The following MSH3 variants were observed in gnomAD, a reference collection of about 807,000 sequenced individuals.
MSH3 encodes DNA mismatch repair protein Msh3.
A neutral mutation model predicts 123.3 loss-of-function variants in MSH3; 106 were observed. That is an observed-to-expected ratio of 0.86 (90% CI 0.73 to 1.01). The LOEUF (loss-of-function observed/expected upper bound fraction) is 1.01, where lower values mean the gene tolerates loss of function less well. MSH3 is among the 50% of genes least tolerant of loss of function. The pLI, the probability that MSH3 is intolerant of heterozygous loss-of-function variation, is 0.00. For synonymous variants in MSH3, 515 were observed against 481.4 expected, an observed-to-expected ratio of 1.07 and a Z score of -0.91; for missense variants, 1,459 against 1,347.6, an observed-to-expected ratio of 1.08 and a Z score of -1.29.
intron 19 of MSH3, among the ~76,000 whole-genome samples, chr5:80,797,648 C>T (rs1463809350): frequency 6.6e-6 from 1 of 152,200 alleles, no homozygotes; most frequent in Admixed American, 6.5e-5. Flanking sequence ...AACTGTTTCC[C>T]AAAACATAAA....
chr5:80,847,678 T>G (rs6151909), intron 20 of MSH3, among the ~76,000 whole-genome samples: 19,074 of 152,118 alleles, frequency 0.13, 1,520 homozygotes, highest in East Asian at 0.35. Context: ...TGTAAATCTT[T>G]TCTTACTAAT....
At chr5:80,712,179 C>A (rs1424462314) in intron 8 of MSH3, among the ~76,000 whole-genome samples, 1 of 152,148 alleles carries the variant, frequency 6.6e-6, no homozygotes, top group Non-Finnish European at 1.5e-5. Flanking sequence ...CTCCCAGCCT[C>A]CAGGGTTCTA....
chr5:80,807,046 C>A (rs1392143333), intron 19 of MSH3, among the ~76,000 whole-genome samples: 1 of 151,656 alleles, frequency 6.6e-6, no homozygotes, highest in Admixed American at 6.6e-5. Context: ...AAAAAAATTA[C>A]CTGGATGTGA....
intron 21 of MSH3, 66 bp from the exon 22 acceptor site, chr5:80,864,747 A>G: frequency 1.4e-6 from 2 of 1,441,008 alleles, no homozygotes; most frequent in Non-Finnish European, 1.9e-6. Context: ...AAGAAAGTGG[A>G]AGACAGATTT....
At chr5:80,873,822 C>T (rs947114985) in intron 23 of MSH3, among the ~76,000 whole-genome samples, 1 of 152,124 alleles carries the variant, frequency 6.6e-6, no homozygotes, top group Admixed American at 6.6e-5. Flanking sequence ...TCCACCTTTA[C>T]GCTTGCTATC....
intron 3 of MSH3, among the ~76,000 whole-genome samples, chr5:80,669,494 T>C (rs1210720316): frequency 3.9e-5 from 6 of 152,226 alleles, no homozygotes; most frequent in African/African-American, 1.4e-4. Flanking sequence ...CACAGAAAGG[T>C]AAGAATAGTA....
chr5:80,780,999 T>C (rs1360690041), intron 17 of MSH3, among the ~76,000 whole-genome samples: 1 of 152,240 alleles, frequency 6.6e-6, no homozygotes, highest in Non-Finnish European at 1.5e-5. Context: ...TTTTACAAGC[T>C]AGTAAGTTGG....
At chr5:80,715,298 C>G (rs1413061173) in intron 8 of MSH3, 2 of 152,106 alleles carry the variant, frequency 1.3e-5, no homozygotes, top group Non-Finnish European at 2.9e-5. Flanking sequence ...GACAAAAGTT[C>G]CCATCCTCAT....
intron 20 of MSH3, among the ~76,000 whole-genome samples, chr5:80,845,151 C>A (rs767823851): frequency 6.6e-6 from 1 of 152,124 alleles, no homozygotes; most frequent in Non-Finnish European, 1.5e-5. Context: ...ACTTCTCCCC[C>A]ACATATGAAG....
chr5:80,798,036 A>G (rs1308735923), intron 19 of MSH3, among the ~76,000 whole-genome samples: 2 of 152,120 alleles, frequency 1.3e-5, no homozygotes, highest in Non-Finnish European at 2.9e-5. Flanking sequence ...TGTTTTTAGT[A>G]TAAAAAATAT....
intron 8 of MSH3, among the ~76,000 whole-genome samples, chr5:80,686,423 C>T (rs1202750871): frequency 1.3e-5 from 2 of 151,242 alleles, no homozygotes; most frequent in African/African-American, 2.4e-5. Flanking sequence ...GTGCCTCAGC[C>T]TCCCGAGTAG....
At chr5:80,734,100 A>G (rs1196016421) in intron 10 of MSH3, among the ~76,000 whole-genome samples, 1 of 152,242 alleles carries the variant, frequency 6.6e-6, no homozygotes, top group Non-Finnish European at 1.5e-5. Flanking sequence ...TATGCATACA[A>G]TAGAAGATTT....
chr5:80,814,517 C>T (rs995218513), intron 20 of MSH3, among the ~76,000 whole-genome samples: 1 of 152,212 alleles, frequency 6.6e-6, no homozygotes, highest in South Asian at 2.1e-4. Context: ...GTGAGCCGCC[C>T]GCCTTGGCCT....
intron 8 of MSH3, among the ~76,000 whole-genome samples, chr5:80,690,073 T>A (rs1308234218): frequency 6.6e-6 from 1 of 152,018 alleles, no homozygotes; most frequent in Non-Finnish European, 1.5e-5. Context: ...CACCACCCCT[T>A]ACAGCTAATT....
At chr5:80,716,999 G>A (rs1750975200) in intron 8 of MSH3, among the ~76,000 whole-genome samples, 1 of 152,068 alleles carries the variant, frequency 6.6e-6, no homozygotes, top group South Asian at 2.1e-4. Context: ...CTAACATAAT[G>A]ACCTCAGTTC....
intron 20 of MSH3, among the ~76,000 whole-genome samples, chr5:80,852,247 C>T (rs1473157457): frequency 2.0e-5 from 3 of 152,172 alleles, no homozygotes; most frequent in Non-Finnish European, 4.4e-5. Flanking sequence ...CTCGCTTGAG[C>T]CTGGGAGGTT....
chr5:80,846,297 G>A (rs1216652989), intron 20 of MSH3, among the ~76,000 whole-genome samples: 4 of 151,830 alleles, frequency 2.6e-5, no homozygotes, highest in East Asian at 1.9e-4. Context: ...AGGGGCACCC[G>A]CCTGTTTGAG....
At chr5:80,663,194 T>C (rs12697911) in intron 2 of MSH3, among the ~76,000 whole-genome samples, 4,049 of 152,280 alleles carry the variant, frequency 0.027, 67 homozygotes, top group Non-Finnish European at 0.044. Flanking sequence ...GAAAATGTAT[T>C]GTTTTGAACG....
intron 10 of MSH3, among the ~76,000 whole-genome samples, chr5:80,731,476 C>T (rs1743412319): frequency 6.6e-6 from 1 of 151,770 alleles, no homozygotes; most frequent in Non-Finnish European, 1.5e-5. Flanking sequence ...TATATATTCC[C>T]AGCATCCAGC....
Sources: allele counts gnomAD v4.1 joint callset (sites outside exome capture counted in the v4.1 genomes callset), GRCh38; gene constraint gnomAD v4.1.1; transcripts MANE v1.5; gene names NCBI Gene and HGNC (gene_info 2026-07-23, HGNC 2026-07-21).